NIPSNAP2: variants seen among roughly 807,000 people sequenced by gnomAD.
NIPSNAP2 encodes nipsnap homolog 2.
In NIPSNAP2, 42 loss-of-function variants were observed where a neutral mutation model predicts 48.4. The ratio of observed to expected loss-of-function variants is 0.87; its 90% CI spans 0.68 to 1.12. NIPSNAP2 has a LOEUF of 1.12. NIPSNAP2 is among the 50% of genes most tolerant of loss of function. The probability of loss-of-function intolerance (pLI) is 0.00; values close to 1 mark genes in which losing one functional copy is unlikely to be tolerated. For missense variants in NIPSNAP2, 314 were observed against 347.3 expected (o/e 0.90, Z 0.76); for synonymous variants, 158 against 126.6 (o/e 1.25, Z -1.67).
At position 56,000,156 on chromosome 7, in the gene NIPSNAP2, A is replaced by C. The variant is rs527939707; in HGVS notation, c.*1084A>C. The C allele has an allele frequency of 1.3e-5, 2 of 152,652 alleles. No individual in the cohort carries two copies. The highest frequency in any genetic ancestry group is 4.1e-4 in the South Asian group (2 of 4,832). The allele number at this position is 152,652 out of a possible 1,614,324, so 9.5% of individuals were successfully genotyped here. A position where few individuals can be genotyped will look rare whatever the true frequency, so the allele number is the denominator to read the frequency against. ...TTTTCTCAAAGAACATAGAAAAGTC[A>C]ATAAAATCCTCTTAATTTCCACATA... On this transcript the variant is annotated 3_prime_UTR_variant, in exon 10 of 10. Coordinates refer to ENST00000322090, the MANE Select transcript of NIPSNAP2 (RefSeq NM_001483.3).
chr7:55,999,164 CTG>C lies in NIPSNAP2; in HGVS notation c.*93_*94del. 2.7e-6 allele frequency: 3 copies of C among 1,112,504 alleles called. No individual in the cohort carries two copies. The highest frequency in any genetic ancestry group is 2.6e-5 in the South Asian group (2 of 76,514). 68.9% of individuals were successfully genotyped at this position (1,112,504 alleles called of 1,614,324 possible). On this transcript the variant is annotated 3_prime_UTR_variant, in exon 10 of 10. Transcript: ENST00000322090. ...TTGTGTATCAAGTGAAAAAGAAACA[CTG>C]AGGTTTTAAGCTGCTGTATATAGCT...
intron 1 of NIPSNAP2, among the ~76,000 whole-genome samples, chr7:55,965,582 A>G (rs1177389116): frequency 2.0e-5 from 3 of 151,780 alleles, no homozygotes; most frequent in South Asian, 4.2e-4. Flanking sequence ...GTTGTTGTTT[A>G]TTTATTTATA....
intron 3 of NIPSNAP2, chr7:55,978,882 AAGT>A: frequency 1.3e-5 from 2 of 154,036 alleles, no homozygotes; most frequent in Non-Finnish European, 2.9e-5. Flanking sequence ...TCCAGGATCC[AAGT>A]CCCTTCCGCT....
At chr7:55,964,973 C>G (rs1270761877) in intron 1 of NIPSNAP2, 1 of 175,198 alleles carries the variant, frequency 5.7e-6, no homozygotes, top group East Asian at 1.5e-4. Context: ...GCCACATCCT[C>G]CCCGCGGCGC....
At chr7:55,998,945 A>T in intron 9 of NIPSNAP2, 63 bp from the exon 10 acceptor site, 1 of 1,282,844 alleles carries the variant, frequency 7.8e-7, no homozygotes, top group African/African-American at 1.5e-5. Flanking sequence ...TCTGTCTGTT[A>T]GTGTCATTTA....
chr7:55,988,792 G>A (rs1406999048), intron 7 of NIPSNAP2, among the ~76,000 whole-genome samples: 4 of 151,982 alleles, frequency 2.6e-5, no homozygotes, highest in African/African-American at 9.7e-5. Context: ...TTGAACCCAG[G>A]AGGTGGAGGT....
chr7:55,976,035 AAAAAGTGT>A (rs1206639443), intron 1 of NIPSNAP2, among the ~76,000 whole-genome samples: 5 of 80,550 alleles, frequency 6.2e-5, no homozygotes, highest in Non-Finnish European at 1.2e-4. Flanking sequence ...GATTCTCTCA[AAAAAGTGT>A]GTGTGTGTGT....
Position 55,974,747 on chromosome 7 carries a change from G to C in NIPSNAP2, c.93-3379G>C, listed in dbSNP as rs1295272392. Among the ~76,000 whole-genome samples, 6 of 151,694 alleles carry C rather than the reference G, an allele frequency of 4.0e-5. No homozygotes were observed. The South Asian group carries it at 1.0e-3, about 26-fold the overall frequency. On this transcript the variant is annotated intron_variant, in intron 1 of 9. Coordinates refer to ENST00000322090, the MANE Select transcript of NIPSNAP2 (RefSeq NM_001483.3). ...CCTGTAGTCTCAGCTACTCAGGAGG[G>C]TGAGGCAGGAGAATGGCGTGAACCT...
At chr7:55,995,640 A>T (rs1476766414) in intron 8 of NIPSNAP2, among the ~76,000 whole-genome samples, 1 of 152,158 alleles carries the variant, frequency 6.6e-6, no homozygotes, top group Admixed American at 6.5e-5. Context: ...GCAGGATTGG[A>T]TGGAGGAAGG....
chr7:55,993,933 A>G (rs1486574408), intron 7 of NIPSNAP2, among the ~76,000 whole-genome samples: 1 of 152,032 alleles, frequency 6.6e-6, no homozygotes, highest in East Asian at 1.9e-4. Context: ...GAAAGAAAAA[A>G]AAAAAAAGCA....
chr7:55,988,183 A>T (rs1787369592), intron 7 of NIPSNAP2, among the ~76,000 whole-genome samples: 1 of 152,040 alleles, frequency 6.6e-6, no homozygotes, highest in Non-Finnish European at 1.5e-5. Context: ...AATCACTTGA[A>T]CCTGGAAGGC....
chr7:55,986,531 G>A (rs1787332339), intron 7 of NIPSNAP2, among the ~76,000 whole-genome samples: 1 of 151,812 alleles, frequency 6.6e-6, no homozygotes, highest in African/African-American at 2.4e-5. Flanking sequence ...GTATGGCGGT[G>A]TGCACCTGTA....
At chr7:55,995,097 C>G (rs1787532097) in intron 8 of NIPSNAP2, 109 bp downstream of exon 8, 1 of 875,796 alleles carries the variant, frequency 1.1e-6, no homozygotes, top group African/African-American at 1.6e-5. Flanking sequence ...TACAGCAAAT[C>G]CGACGTCACA....
intron 1 of NIPSNAP2, among the ~76,000 whole-genome samples, chr7:55,966,446 A>C (rs1012619769): frequency 3.3e-5 from 5 of 152,112 alleles, no homozygotes; most frequent in African/African-American, 1.2e-4. Flanking sequence ...GTCCCTAATA[A>C]TAAATAAGTA....
intron 7 of NIPSNAP2, among the ~76,000 whole-genome samples, chr7:55,988,675 G>C (rs983393829): frequency 5.3e-5 from 8 of 152,134 alleles, no homozygotes; most frequent in Middle Eastern, 3.4e-3. Flanking sequence ...CCTGGCCAAC[G>C]TGACAAGACC....
At chr7:55,989,950 CA>C (rs34909004) in intron 7 of NIPSNAP2, among the ~76,000 whole-genome samples, 40,097 of 118,784 alleles carry the variant, frequency 0.34, 5,354 homozygotes, top group African/African-American at 0.36. Context: ...ACTAAAAATC[CA>C]AAAAAAAAAA....
At chr7:55,992,534 AT>A (rs944968312) in intron 7 of NIPSNAP2, among the ~76,000 whole-genome samples, 6 of 151,958 alleles carry the variant, frequency 3.9e-5, no homozygotes, top group Non-Finnish European at 5.9e-5. Context: ...TCACTCTTGG[AT>A]TTTTTTCCCC....
intron 7 of NIPSNAP2, 81 bp downstream of exon 7, chr7:55,984,959 A>T (rs1319963339): frequency 9.0e-7 from 1 of 1,108,038 alleles, no homozygotes; most frequent in African/African-American, 1.6e-5. Flanking sequence ...TAGGGAAAAA[A>T]ATCTGAGGAT....
intron 4 of NIPSNAP2, chr7:55,981,865 A>T (rs1584344812): frequency 5.5e-6 from 2 of 361,930 alleles, no homozygotes; most frequent in East Asian, 1.1e-4. Flanking sequence ...GAGTGCAGTG[A>T]TGAGTATCTA....
Sources: gnomAD v4.1 joint callset for allele counts (sites outside exome capture counted in the v4.1 genomes callset) on GRCh38, gnomAD v4.1.1 for gene constraint, MANE v1.5 for transcripts, NCBI Gene and HGNC (gene_info 2026-07-23, HGNC 2026-07-21) for gene names.